Variants in PLA2G7 observed in about 807,000 individuals in gnomAD.
PLA2G7 encodes phospholipase A2 group VII, also known as platelet-activating factor acetylhydrolase.
In PLA2G7, 63 loss-of-function variants were observed where a neutral mutation model predicts 49.6. That is an observed-to-expected ratio of 1.27 (90% confidence interval 1.04 to 1.57). The LOEUF is 1.57. Ranked by LOEUF, PLA2G7 falls within the 40% of genes most tolerant of loss-of-function variation. The pLI is 0.00. For missense variants in PLA2G7, 596 were observed against 521.2 expected, an observed-to-expected ratio of 1.14 and a Z score of -1.40; for synonymous variants, 193 against 169.9, an observed-to-expected ratio of 1.14 and a Z score of -1.06.
intron 1 of PLA2G7, among the ~76,000 whole-genome samples, chr6:46,729,286 G>A (rs1765662795): frequency 6.6e-6 from 1 of 152,184 alleles, no homozygotes; most frequent in East Asian, 1.9e-4. Context: ...CCGGAAAAAT[G>A]ATAATGGGGA....
intron 1 of PLA2G7, among the ~76,000 whole-genome samples, chr6:46,726,320 G>A (rs1031739580): frequency 3.9e-5 from 6 of 152,178 alleles, no homozygotes; most frequent in African/African-American, 1.2e-4. Context: ...TATGAGCCAG[G>A]AACCATATTA....
intron 1 of PLA2G7, among the ~76,000 whole-genome samples, chr6:46,734,466 GAGAGAGAGAGAGAGA>G (rs1765846038): frequency 1.6e-5 from 2 of 127,902 alleles, no homozygotes; most frequent in Non-Finnish European, 3.2e-5. Flanking sequence ...GAGAGAGAGA[GAGAGAGAGAGAGAGA>G]GAGAGAGAGA....
chr6:46,734,063 C>T lies in PLA2G7; in HGVS notation c.-35+1117G>A, dbSNP rs45552541. On this transcript the variant is annotated intron_variant, in intron 1 of 11. Transcript: ENST00000274793. ...AGAACCACAGGCATGAATAAAAGCC[C>T]GAACTTTTCGTTTTTGGTGACAGAA... 1.5e-3 allele frequency among the ~76,000 whole-genome samples: 231 copies of T among 152,196 alleles called. 1 individual carries two copies. The highest frequency in any genetic ancestry group is 5.4e-3 in the African/African-American group (223 of 41,556).
chr6:46,716,610 T>G (rs1340634449), intron 3 of PLA2G7, 82 bp from the exon 4 acceptor site: 1 of 1,418,262 alleles, frequency 7.1e-7, no homozygotes, highest in Admixed American at 1.7e-5. Context: ...ATTTAATTAG[T>G]GGGGACTCAA....
At chr6:46,732,630 T>C (rs1428369385) in intron 1 of PLA2G7, among the ~76,000 whole-genome samples, 4 of 152,200 alleles carry the variant, frequency 2.6e-5, no homozygotes, top group African/African-American at 9.7e-5. Context: ...CTTAATTCAA[T>C]GAGCATCTAC....
rs1582574321 is a variant in PLA2G7, at chr6:46,716,994, A to T, written c.212T>A (p.Met71Lys). ...CATTACCTTATTAGTGTGATCAAAC[A>T]TTAAGTCTGTACAACCAACGGAATA... ...GPYSVGCTDLMFDHTNKGTFL... is the reference protein window; with the variant it reads ...GPYSVGCTDLKFDHTNKGTFL... The change falls in exon 3 of 12, where the codon ATG (methionine) becomes AAG (lysine). Residue 71 changes from methionine to lysine, a missense_variant. Met to Lys is a moderately conservative substitution (Grantham distance 95). Transcript: ENST00000274793. The T allele has an allele frequency of 3.1e-6, 5 of 1,613,810 alleles. No individual in the cohort carries two copies. The highest frequency in any genetic ancestry group is 4.2e-6 in the Non-Finnish European group (5 of 1,179,670).
chr6:46,729,222 T>A (rs775262496), intron 1 of PLA2G7, among the ~76,000 whole-genome samples: 10 of 152,106 alleles, frequency 6.6e-5, no homozygotes, highest in Admixed American at 1.3e-4. Flanking sequence ...TCCAGGAGGA[T>A]GCAGTATTAA....
At chr6:46,711,252 C>T (rs752837666) in intron 7 of PLA2G7, among the ~76,000 whole-genome samples, 7 of 152,092 alleles carry the variant, frequency 4.6e-5, no homozygotes, top group African/African-American at 7.2e-5. Flanking sequence ...AGTTTTAATT[C>T]AAGGGAATTC....
chr6:46,727,950 C>G (rs1292828506), intron 1 of PLA2G7, among the ~76,000 whole-genome samples: 1 of 152,128 alleles, frequency 6.6e-6, no homozygotes, highest in Admixed American at 6.5e-5. Flanking sequence ...ACTTTCAGAA[C>G]CATGAGATAA....
intron 1 of PLA2G7, among the ~76,000 whole-genome samples, chr6:46,732,044 T>C (rs1765750002): frequency 6.6e-6 from 1 of 152,186 alleles, no homozygotes. Context: ...CTTCAAACTC[T>C]CTTTTGGCTT....
chr6:46,734,261 A>G (rs534216684), intron 1 of PLA2G7, among the ~76,000 whole-genome samples: 5 of 152,016 alleles, frequency 3.3e-5, no homozygotes, highest in Non-Finnish European at 5.9e-5. Context: ...TTTTGTTCTT[A>G]CAGCAGCCAC....
intron 5 of PLA2G7, 85 bp from the exon 6 acceptor site, chr6:46,712,422 CCAT>C: frequency 1.1e-6 from 1 of 948,610 alleles, no homozygotes; most frequent in Non-Finnish European, 1.7e-6. Context: ...AACATGGAGG[CCAT>C]TACACCCCTG....
At chr6:46,720,569 C>A (rs565611888) in intron 2 of PLA2G7, among the ~76,000 whole-genome samples, 3 of 152,130 alleles carry the variant, frequency 2.0e-5, no homozygotes, top group African/African-American at 7.2e-5. Flanking sequence ...ACAGCTGACC[C>A]GGTTATGGGC....
chr6:46,709,287 T>A (rs752488260), intron 9 of PLA2G7, 40 bp downstream of exon 9: 1 of 1,101,400 alleles, frequency 9.1e-7, no homozygotes, highest in Non-Finnish European at 1.4e-6. Context: ...TTTCTTCCAA[T>A]AATTTACTAT....
At chr6:46,716,896 C>CATTTGAACA in intron 3 of PLA2G7, 79 bp downstream of exon 3, 1 of 1,438,482 alleles carries the variant, frequency 7.0e-7, no homozygotes, top group South Asian at 1.1e-5. Context: ...GGCAAGGTCA[C>CATTTGAACA]ATTTGAACAC....
intron 1 of PLA2G7, 25 bp downstream of exon 1, chr6:46,735,155 C>T (rs1765883428): frequency 6.6e-6 from 1 of 152,078 alleles, no homozygotes; most frequent in African/African-American, 2.4e-5. Flanking sequence ...CCCACTCCCG[C>T]CTCGCCCCCG....
chr6:46,728,065 T>C (rs1014192496), intron 1 of PLA2G7, among the ~76,000 whole-genome samples: 3 of 152,080 alleles, frequency 2.0e-5, no homozygotes, highest in Non-Finnish European at 4.4e-5. Context: ...AAAAAGCAAA[T>C]AATAGCCCAA....
rs761462312 is a variant in PLA2G7, at chr6:46,710,578, T to C, written c.744A>G (p.Ala248=). The part of the protein sequence containing the change: ...DIDHGKPVKN[A]LDLKFDMEQL... ...GTTCCATATCAAACTTTAAATCTAA[T>C]GCATTCTTCACTGGCTTTCCATGAT... Residue 248 remains alanine, a synonymous_variant, in exon 8 of 12, where the codon GCA becomes GCG. Transcript: ENST00000274793. 9 of 1,611,404 alleles carry C rather than the reference T, an allele frequency of 5.6e-6. No individual in the cohort carries two copies. The highest frequency in any genetic ancestry group is 7.6e-6 in the Non-Finnish European group (9 of 1,177,690).
At chr6:46,728,419 G>C (rs1017407181) in intron 1 of PLA2G7, among the ~76,000 whole-genome samples, 5 of 152,328 alleles carry the variant, frequency 3.3e-5, no homozygotes, top group African/African-American at 1.2e-4. Context: ...TGTCAATAAT[G>C]CTGAGGTTGA....
Sources: allele counts gnomAD v4.1 joint callset (sites outside exome capture counted in the v4.1 genomes callset), GRCh38; gene constraint gnomAD v4.1.1; transcripts MANE v1.5; gene names NCBI Gene and HGNC (gene_info 2026-07-23, HGNC 2026-07-21).